NNT: variants seen among roughly 807,000 people sequenced by gnomAD.
The protein encoded by NNT is nicotinamide nucleotide transhydrogenase.
Under a neutral mutation model 104.8 loss-of-function variants are expected in NNT, and 50 were observed. The observed-to-expected ratio is 0.48, with a 90% CI of 0.38 to 0.60. The LOEUF (loss-of-function observed/expected upper bound fraction) is 0.60. Among genes scored for constraint, NNT ranks in the 20% least tolerant of loss-of-function variants. The pLI is 0.00. For missense variants in NNT, 1,131 were observed against 1,330.7 expected (o/e 0.85, Z 2.33); for synonymous variants, 461 against 490.4 (o/e 0.94, Z 0.79).
intron 1 of NNT, among the ~76,000 whole-genome samples, chr5:43,608,169 T>C (rs1339155775): frequency 6.6e-6 from 1 of 151,962 alleles, no homozygotes; most frequent in East Asian, 1.9e-4. Context: ...GACCTCGTGA[T>C]CTGCTCACCT....
At chr5:43,645,561 T>TTA (rs71974629) in intron 10 of NNT, 51 bp downstream of exon 10, 28,158 of 1,131,748 alleles carry the variant, frequency 0.025, 257 homozygotes, top group African/African-American at 0.04. Context: ...ATTTTGCAAG[T>TTA]TATATATATA....
At chr5:43,615,128 A>G (rs1379625367) in intron 3 of NNT, among the ~76,000 whole-genome samples, 1 of 152,016 alleles carries the variant, frequency 6.6e-6, no homozygotes, top group African/African-American at 2.4e-5. Context: ...TGGGCGACAG[A>G]GCGAGACTCC....
intron 7 of NNT, among the ~76,000 whole-genome samples, chr5:43,637,031 G>T (rs1220541290): frequency 6.6e-6 from 1 of 152,106 alleles, no homozygotes; most frequent in Non-Finnish European, 1.5e-5. Flanking sequence ...CTATTTGCCA[G>T]CCTGACTTTC....
chr5:43,671,845 GGGAAGTTCTCCC>G (rs2112069776), intron 17 of NNT, among the ~76,000 whole-genome samples: 1 of 152,202 alleles, frequency 6.6e-6, no homozygotes, highest in East Asian at 1.9e-4. Context: ...TGCTAGGTTG[GGGAAGTTCTCCC>G]GGATAATATC....
At chr5:43,620,326 TCTCCTGCCTCAGC>T (rs1461253677) in intron 5 of NNT, among the ~76,000 whole-genome samples, 5 of 152,032 alleles carry the variant, frequency 3.3e-5, no homozygotes, top group Non-Finnish European at 7.4e-5. Context: ...TTCATGCCAT[TCTCCTGCCTCAGC>T]CTCCTGAGTA....
chr5:43,643,361 C>T (rs955736215), intron 7 of NNT, among the ~76,000 whole-genome samples: 2 of 152,108 alleles, frequency 1.3e-5, no homozygotes, highest in Non-Finnish European at 1.5e-5. Context: ...TATATTAGCT[C>T]GAAAAGTCCT....
Position 43,659,323 on chromosome 5 carries a change from T to G in NNT, c.2607T>G (p.Gly869=), listed in dbSNP as rs535360090. Residue 869 remains glycine, a synonymous_variant, in exon 17 of 22, where the codon GGT becomes GGG. Transcript: ENST00000344920. The part of the protein sequence containing the change: ...TIVGALIGSS[G]AILSYIMCVA... ...TGGGTGCACTCATAGGCTCGTCTGG[T>G]GCTATCCTGTCATACATCATGTGTG... 5 of 1,613,134 alleles carry G rather than the reference T, an allele frequency of 3.1e-6. No individual in the cohort carries two copies. In the African/African-American group the frequency reaches 6.7e-5, roughly 22 times the overall value.
At chr5:43,680,286 T>A (rs1741633530) in intron 19 of NNT, among the ~76,000 whole-genome samples, 1 of 152,078 alleles carries the variant, frequency 6.6e-6, no homozygotes, top group Admixed American at 6.6e-5. Context: ...CTTTTTTTTT[T>A]AAAGGGCAAA....
intron 19 of NNT, among the ~76,000 whole-genome samples, chr5:43,691,186 G>A (rs1382373393): frequency 4.6e-5 from 7 of 151,658 alleles, no homozygotes; most frequent in African/African-American, 7.3e-5. Context: ...TGCAACCTCC[G>A]CCTCCTGGGT....
chr5:43,677,699 T>C, intron 18 of NNT, 26 bp from the exon 19 acceptor site: 1 of 1,586,648 alleles, frequency 6.3e-7, no homozygotes, highest in Non-Finnish European at 8.7e-7. Flanking sequence ...AAACACATTC[T>C]TCTGTGTTCT....
chr5:43,691,070 AG>A (rs1742252428), intron 19 of NNT, among the ~76,000 whole-genome samples: 1 of 137,400 alleles, frequency 7.3e-6, no homozygotes, highest in Non-Finnish European at 1.6e-5. Context: ...TTTTTGAGAG[AG>A]TGTGTGTGTG....
chr5:43,702,618 T>C lies in NNT; in HGVS notation c.2996-3T>C, dbSNP rs1195045856. ...ATTCTTTCTTTTTTGTTTTATTATA[T>C]AGATACTGATTTGGTCCTTGTAATT... On this transcript the variant is annotated splice_region_variant and splice_polypyrimidine_tract_variant and intron_variant, in intron 20 of 21. Transcript: ENST00000344920. The C allele has an allele frequency of 5.7e-6, 9 of 1,582,718 alleles. No individual in the cohort carries two copies. The highest frequency in any genetic ancestry group is 7.8e-6 in the Non-Finnish European group (9 of 1,158,714).
At chr5:43,624,493 C>T (rs1246143325) in intron 6 of NNT, among the ~76,000 whole-genome samples, 1 of 152,148 alleles carries the variant, frequency 6.6e-6, no homozygotes, top group African/African-American at 2.4e-5. Flanking sequence ...GCATGCCCTA[C>T]CGTGAATGAA....
chr5:43,655,947 A>G lies in NNT; in HGVS notation c.2167A>G (p.Ile723Val), dbSNP rs1184437784. 6.2e-7 allele frequency: 1 copy of G among 1,614,204 alleles called. No individual in the cohort carries two copies. Among genetic ancestry groups the G allele is most frequent in the Non-Finnish European group, 8.5e-7 (1 of 1,180,012 alleles). ...AAVLTCIAEY[I>V]IEYPHFATDA... ...TGTACTTACTTGCATAGCTGAGTAC[A>G]TTATAGAATATCCACATTTTGCTAC... Residue 723 changes from isoleucine (I) to valine (V), a missense_variant, in exon 15 of 22, where the codon ATT (isoleucine) becomes GTT (valine). Ile to Val is a conservative substitution (Grantham distance 29, BLOSUM62 3). Transcript: ENST00000344920.
chr5:43,658,107 C>T (rs994965842), intron 16 of NNT, among the ~76,000 whole-genome samples: 1 of 151,904 alleles, frequency 6.6e-6, no homozygotes, highest in African/African-American at 2.4e-5. Flanking sequence ...TGCACTCCAG[C>T]CTGGGTGACA....
intron 19 of NNT, among the ~76,000 whole-genome samples, chr5:43,682,542 A>G (rs555772392): frequency 6.6e-6 from 1 of 152,272 alleles, no homozygotes; most frequent in South Asian, 2.1e-4. Flanking sequence ...GATAAGTATG[A>G]TTCAGATAAA....
At chr5:43,605,194 AACAT>A (rs1749140134) in intron 1 of NNT, among the ~76,000 whole-genome samples, 1 of 152,168 alleles carries the variant, frequency 6.6e-6, no homozygotes, top group Non-Finnish European at 1.5e-5. Flanking sequence ...AGTTACATTA[AACAT>A]ACATATGAAA....
chr5:43,631,969 G>GAAAAA (rs34558570), intron 7 of NNT, among the ~76,000 whole-genome samples: 1 of 102,894 alleles, frequency 9.7e-6, no homozygotes, highest in Admixed American at 1.1e-4. Context: ...TTTCTTTTGG[G>GAAAAA]AAAAAAAAAA....
chr5:43,615,985 A>T lies in NNT; in HGVS notation c.519A>T (p.Thr173=). 6.2e-7 allele frequency: 1 copy of T among 1,614,164 alleles called. No individual in the cohort carries two copies. The highest frequency in any genetic ancestry group is 1.3e-5 in the African/African-American group (1 of 75,052). Residue 173 remains threonine, a synonymous_variant, in exon 4 of 22, where the codon ACA becomes ACT. Coordinates refer to ENST00000344920, the MANE Select transcript of NNT (RefSeq NM_182977.3). The part of the protein sequence containing the change: ...LLNKLSQRKT[T]VLAMDQVPRV... Reference sequence around the variant, plus strand: ...ATAAACTTTCCCAAAGAAAAACTACAGTTCTGGCAATGGACCAGGTTCCAA... The same window carrying T: ...ATAAACTTTCCCAAAGAAAAACTACTGTTCTGGCAATGGACCAGGTTCCAA...
Sources: gnomAD v4.1 joint callset for allele counts (sites outside exome capture counted in the v4.1 genomes callset) on GRCh38, gnomAD v4.1.1 for gene constraint, MANE v1.5 for transcripts, NCBI Gene and HGNC (gene_info 2026-07-23, HGNC 2026-07-21) for gene names.